Variants in BCKDHB observed in about 807,000 individuals in gnomAD.
BCKDHB encodes 2-oxoisovalerate dehydrogenase subunit beta, mitochondrial.
Under a neutral mutation model 48.5 loss-of-function variants are expected in BCKDHB, and 41 were observed. The ratio of observed to expected loss-of-function variants is 0.85; its 90% CI spans 0.66 to 1.10. BCKDHB has a LOEUF of 1.10. Among genes scored for constraint, BCKDHB ranks in the 50% least tolerant of loss-of-function variants. The probability of loss-of-function intolerance (pLI) is 0.00; values close to 1 mark genes in which losing one functional copy is unlikely to be tolerated. For missense variants in BCKDHB, 496 were observed against 494.2 expected, an observed-to-expected ratio of 1.00 and a Z score of -0.03; for synonymous variants, 201 against 174.8, an observed-to-expected ratio of 1.15 and a Z score of -1.18.
At chr6:80,215,083 A>C (rs183730852) in intron 8 of BCKDHB, among the ~76,000 whole-genome samples, 1 of 152,346 alleles carries the variant, frequency 6.6e-6, no homozygotes, top group Admixed American at 6.5e-5. Flanking sequence ...ATAAAAAAAA[A>C]CTAAGAAATG....
chr6:80,401,394 A>AT, the BCKDHB span, among the ~76,000 whole-genome samples: 1 of 151,384 alleles, frequency 6.6e-6, no homozygotes, highest in Non-Finnish European at 1.5e-5. Context: ...TTTTTAAATT[A>AT]TTTTTTTCTT....
intron 6 of BCKDHB, among the ~76,000 whole-genome samples, chr6:80,192,781 TGC>T: frequency 6.6e-6 from 1 of 152,110 alleles, no homozygotes; most frequent in East Asian, 1.9e-4. Context: ...AATATGAAGG[TGC>T]CTTATCATAT....
chr6:80,231,161 G>T (rs1775906818), intron 8 of BCKDHB, among the ~76,000 whole-genome samples: 1 of 152,110 alleles, frequency 6.6e-6, no homozygotes, highest in African/African-American at 2.4e-5. Flanking sequence ...TGAATAAATG[G>T]TGCTGACAGT....
chr6:80,207,093 G>A (rs1774701707), intron 8 of BCKDHB, among the ~76,000 whole-genome samples: 1 of 151,994 alleles, frequency 6.6e-6, no homozygotes, highest in African/African-American at 2.4e-5. Context: ...CTGCAAGGGA[G>A]CTCCCTTTGG....
chr6:80,328,668 A>G (rs1769166377), intron 9 of BCKDHB, among the ~76,000 whole-genome samples: 1 of 152,098 alleles, frequency 6.6e-6, no homozygotes, highest in Non-Finnish European at 1.5e-5. Context: ...TATACAGAAA[A>G]CTTTCTAATT....
At chr6:80,124,677 G>A (rs1314456513) in intron 1 of BCKDHB, among the ~76,000 whole-genome samples, 1 of 152,090 alleles carries the variant, frequency 6.6e-6, no homozygotes, top group Non-Finnish European at 1.5e-5. Flanking sequence ...GGAAAACAAC[G>A]TTAATCTTAT....
At chr6:80,202,682 C>T (rs1774449683) in intron 7 of BCKDHB, among the ~76,000 whole-genome samples, 1 of 151,964 alleles carries the variant, frequency 6.6e-6, no homozygotes, top group East Asian at 1.9e-4. Context: ...TTTTTATCTC[C>T]TTTTTTTCTT....
At chr6:80,326,264 A>G (rs1769027070) in intron 9 of BCKDHB, among the ~76,000 whole-genome samples, 1 of 152,190 alleles carries the variant, frequency 6.6e-6, no homozygotes, top group Non-Finnish European at 1.5e-5. Context: ...AGCTTACTAT[A>G]GCAGAGCCTG....
chr6:80,450,353 T>G, the BCKDHB span, among the ~76,000 whole-genome samples: 1 of 152,138 alleles, frequency 6.6e-6, no homozygotes, highest in Non-Finnish European at 1.5e-5. Context: ...GAAAGAAACA[T>G]TTAATGGGGG....
At chr6:80,414,515 G>A in the BCKDHB span, among the ~76,000 whole-genome samples, 13 of 152,004 alleles carry the variant, frequency 8.6e-5, no homozygotes, top group Non-Finnish European at 1.9e-4. Context: ...TGGGTAGGCT[G>A]TTATCCCAGA....
the BCKDHB span, among the ~76,000 whole-genome samples, chr6:80,396,901 T>A: frequency 6.6e-6 from 1 of 152,166 alleles, no homozygotes; most frequent in Admixed American, 6.6e-5. Flanking sequence ...CTTCATAACA[T>A]TGTGAGAAAA....
rs541278224 is a variant in BCKDHB at position 80,293,466 on chromosome 6, C to G, written c.1038+20245C>G. Among the ~76,000 whole-genome samples, 8 of 152,264 alleles carry G rather than the reference C, an allele frequency of 5.3e-5. No individual in the cohort carries two copies. The East Asian group carries it at 1.6e-3, about 30-fold the overall frequency. On this transcript the variant is annotated intron_variant, in intron 9 of 9. Coordinates refer to ENST00000320393, the MANE Select transcript of BCKDHB (RefSeq NM_183050.4). The stretch of plus-strand genomic sequence containing the variant: ...TGGCTAGAATGCAGGGCATCAAGTC[C>G]CTAGACTGCACACAGCAGGGGCTGG...
intron 6 of BCKDHB, among the ~76,000 whole-genome samples, chr6:80,193,253 A>G (rs750726329): frequency 3.9e-5 from 6 of 152,208 alleles, no homozygotes; most frequent in Non-Finnish European, 8.8e-5. Context: ...AGTGGGTCCA[A>G]GACTTTCTGT....
chr6:80,196,158 A>G (rs1327606352), intron 6 of BCKDHB, among the ~76,000 whole-genome samples: 9 of 152,160 alleles, frequency 5.9e-5, no homozygotes, highest in Non-Finnish European at 1.2e-4. Context: ...AGTTATTAAT[A>G]TATTGAATCA....
the BCKDHB span, among the ~76,000 whole-genome samples, chr6:80,436,843 G>A: frequency 1.3e-5 from 2 of 152,162 alleles, no homozygotes; most frequent in South Asian, 2.1e-4. Context: ...CTAAGAATAT[G>A]TTTTCCTTTT....
chr6:80,321,249 C>G (rs1382925623), intron 9 of BCKDHB, among the ~76,000 whole-genome samples: 2 of 152,134 alleles, frequency 1.3e-5, no homozygotes, highest in Admixed American at 6.5e-5. Flanking sequence ...TGGTTAGGAG[C>G]AGTACACATT....
At chr6:80,370,808 GTATA>G in the BCKDHB span, among the ~76,000 whole-genome samples, 943 of 139,612 alleles carry the variant, frequency 6.8e-3, 2 homozygotes, top group South Asian at 0.024. Context: ...GTGTGTGTGT[GTATA>G]TATATATGTG....
chr6:80,114,347 C>A (rs1285740664), intron 1 of BCKDHB, among the ~76,000 whole-genome samples: 1 of 151,660 alleles, frequency 6.6e-6, no homozygotes, highest in East Asian at 1.9e-4. Flanking sequence ...TTCCCAGGCT[C>A]AGGTGATCCT....
chr6:80,121,320 T>C (rs1308885611), intron 1 of BCKDHB, among the ~76,000 whole-genome samples: 3 of 152,226 alleles, frequency 2.0e-5, no homozygotes, highest in Non-Finnish European at 4.4e-5. Flanking sequence ...TTGTTCTTTT[T>C]GTTTAGGATT....
Sources: allele counts gnomAD v4.1 joint callset (sites outside exome capture counted in the v4.1 genomes callset), GRCh38; gene constraint gnomAD v4.1.1; transcripts MANE v1.5; gene names NCBI Gene and HGNC (gene_info 2026-07-23, HGNC 2026-07-21).